The following ELMO1 variants were observed in gnomAD, a reference collection of about 807,000 sequenced individuals.
ELMO1 encodes the protein engulfment and cell motility 1.
Under a neutral mutation model 98.9 loss-of-function variants are expected in ELMO1, and 26 were observed. The ratio of observed to expected loss-of-function variants is 0.26; its 90% CI spans 0.19 to 0.36. ELMO1 has a LOEUF of 0.36. Among genes scored for constraint, ELMO1 ranks in the 10% least tolerant of loss-of-function variants. The pLI is 1.00. For missense variants in ELMO1, 627 were observed against 935.2 expected (o/e 0.67, Z 4.30); for synonymous variants, 346 against 346.0 (o/e 1.00, Z 0.00).
At chr7:37,115,057 T>G (rs75272471) in intron 14 of ELMO1, among the ~76,000 whole-genome samples, 1 of 151,984 alleles carries the variant, frequency 6.6e-6, no homozygotes, top group Non-Finnish European at 1.5e-5. Flanking sequence ...CAAGAAGAAA[T>G]AGACAATCTG....
At chr7:37,405,940 T>C (rs1353161765) in intron 1 of ELMO1, among the ~76,000 whole-genome samples, 1 of 152,154 alleles carries the variant, frequency 6.6e-6, no homozygotes, top group East Asian at 1.9e-4. Flanking sequence ...CATCCTAATA[T>C]GGAAAATGTC....
chr7:37,161,953 CT>C (rs1312285629), intron 13 of ELMO1, among the ~76,000 whole-genome samples: 1 of 59,058 alleles, frequency 1.7e-5, no homozygotes, highest in Non-Finnish European at 4.1e-5. Context: ...GTGATGTAAT[CT>C]TCCACATCAT....
chr7:37,252,012 T>G (rs550007134), intron 6 of ELMO1, among the ~76,000 whole-genome samples: 1 of 152,044 alleles, frequency 6.6e-6, no homozygotes, highest in African/African-American at 2.4e-5. Flanking sequence ...TACCTAGGAA[T>G]AGAACTTAAA....
intron 4 of ELMO1, among the ~76,000 whole-genome samples, chr7:37,296,990 T>C (rs1488450662): frequency 6.6e-6 from 1 of 152,206 alleles, no homozygotes; most frequent in Non-Finnish European, 1.5e-5. Flanking sequence ...CTTGCTGAGA[T>C]GATTTTTCTT....
At position 37,398,817 on chromosome 7, in the gene ELMO1, A is replaced by G. The variant is rs367798099; in HGVS notation, c.-74+49858T>C. Among the ~76,000 whole-genome samples the G allele has an allele frequency of 2.6e-5, 4 of 152,312 alleles. No homozygotes were observed. In the East Asian group the frequency reaches 7.7e-4, roughly 29 times the overall value. On this transcript the variant is annotated intron_variant, in intron 1 of 21. Transcript: ENST00000310758. ...TGCTGGACTCATGAGCCAGGTCTGC[A>G]TCTACAATGTGGGGCCCTCCTTCGC...
intron 13 of ELMO1, among the ~76,000 whole-genome samples, chr7:37,184,746 C>T (rs1265750765): frequency 6.6e-6 from 1 of 151,560 alleles, no homozygotes; most frequent in East Asian, 1.9e-4. Flanking sequence ...CATCTCTACC[C>T]CCCAAAAAAG....
intron 2 of ELMO1, among the ~76,000 whole-genome samples, chr7:37,332,534 AG>A (rs1227712535): frequency 8.5e-5 from 13 of 152,374 alleles, no homozygotes; most frequent in Admixed American, 7.8e-4. Flanking sequence ...GAAAGGTCTA[AG>A]GAACTTACAC....
intron 15 of ELMO1, among the ~76,000 whole-genome samples, chr7:37,083,819 A>G (rs975538120): frequency 3.9e-5 from 6 of 152,206 alleles, no homozygotes; most frequent in African/African-American, 1.4e-4. Context: ...GCTCCCATCA[A>G]GTCCTGGTGG....
intron 16 of ELMO1, 92 bp downstream of exon 16, chr7:37,013,207 G>T: frequency 6.8e-7 from 1 of 1,475,732 alleles, no homozygotes; most frequent in Non-Finnish European, 9.2e-7. Context: ...TCCCCACCTT[G>T]CCAATTGCCT....
chr7:37,019,246 C>A (rs1794132094), intron 15 of ELMO1, among the ~76,000 whole-genome samples: 1 of 152,214 alleles, frequency 6.6e-6, no homozygotes, highest in South Asian at 2.1e-4. Context: ...TGTTTCTGAC[C>A]TCCACATGAA....
intron 17 of ELMO1, among the ~76,000 whole-genome samples, chr7:36,892,958 A>C (rs923848692): frequency 1.3e-5 from 2 of 150,088 alleles, no homozygotes; most frequent in Non-Finnish European, 2.9e-5. Flanking sequence ...CTTATAATAA[A>C]GGGGAAAGAA....
intron 14 of ELMO1, among the ~76,000 whole-genome samples, chr7:37,110,920 T>C (rs1785218810): frequency 6.6e-6 from 1 of 152,210 alleles, no homozygotes; most frequent in Non-Finnish European, 1.5e-5. Flanking sequence ...GGTAAGCTCT[T>C]TGGGGAAGAA....
chr7:37,155,461 G>A (rs952171887), intron 13 of ELMO1, among the ~76,000 whole-genome samples: 8 of 133,380 alleles, frequency 6.0e-5, no homozygotes, highest in Admixed American at 5.5e-4. Flanking sequence ...CAAAATAAAG[G>A]GATGGAGGAA....
intron 4 of ELMO1, among the ~76,000 whole-genome samples, chr7:37,294,676 CTG>C (rs1343028610): frequency 6.6e-6 from 1 of 152,314 alleles, no homozygotes; most frequent in East Asian, 1.9e-4. Flanking sequence ...GATAAATCAA[CTG>C]TGTTTTATTT....
chr7:37,068,193 A>G lies in ELMO1; in HGVS notation c.1300+28426T>C, dbSNP rs1797084090. On this transcript the variant is annotated intron_variant, in intron 15 of 21. Transcript: ENST00000310758. ...GCAGGCCCTAAATGAAGGCTGTGGT[A>G]ACATGAGATGGGTTGTGCAGTAAAG... Among the ~76,000 whole-genome samples, 3 of 152,184 alleles carry G rather than the reference A, an allele frequency of 2.0e-5. No homozygotes were observed. The South Asian group carries it at 6.2e-4, about 32-fold the overall frequency.
chr7:37,033,771 A>C (rs1795014333), intron 15 of ELMO1, among the ~76,000 whole-genome samples: 1 of 152,216 alleles, frequency 6.6e-6, no homozygotes, highest in Non-Finnish European at 1.5e-5. Context: ...TTGATCCCTA[A>C]AGAACTGCGA....
chr7:37,035,898 T>C (rs1012792971), intron 15 of ELMO1, among the ~76,000 whole-genome samples: 1 of 152,218 alleles, frequency 6.6e-6, no homozygotes, highest in Admixed American at 6.5e-5. Flanking sequence ...TATGAAACCA[T>C]TAGTCATACA....
At chr7:36,929,595 G>T (rs912490775) in intron 16 of ELMO1, among the ~76,000 whole-genome samples, 4 of 152,142 alleles carry the variant, frequency 2.6e-5, no homozygotes, top group Non-Finnish European at 4.4e-5. Context: ...GTGTGGCCCA[G>T]CCCAGAATGG....
chr7:37,246,051 C>T (rs1303345389), intron 6 of ELMO1, among the ~76,000 whole-genome samples: 2 of 152,206 alleles, frequency 1.3e-5, no homozygotes, highest in East Asian at 1.9e-4. Flanking sequence ...AGTGTAACGA[C>T]TCTCACTATG....
Sources: gnomAD v4.1 joint callset for allele counts (sites outside exome capture counted in the v4.1 genomes callset) on GRCh38, gnomAD v4.1.1 for gene constraint, MANE v1.5 for transcripts, NCBI Gene and HGNC (gene_info 2026-07-23, HGNC 2026-07-21) for gene names.